Variants in RYR2 observed in about 807,000 individuals in gnomAD.
RYR2 encodes the protein ryanodine receptor 2.
RYR2 carries 227 observed loss-of-function variants against 601.1 expected under a neutral mutation model. The ratio of observed to expected loss-of-function variants is 0.38; its 90% CI spans 0.34 to 0.42. The LOEUF (loss-of-function observed/expected upper bound fraction) is 0.42. Ranked by LOEUF, RYR2 falls within the 10% of genes least tolerant of loss-of-function variation. The probability of loss-of-function intolerance (pLI) is 1.00; values close to 1 mark genes in which losing one functional copy is unlikely to be tolerated. For synonymous variants in RYR2, 2,223 were observed against 2,175.1 expected (o/e 1.02, Z -0.61); for missense variants, 4,646 against 6,156.5 (o/e 0.75, Z 8.21).
At chr1:237,100,440 G>T (rs894629675) in intron 1 of RYR2, among the ~76,000 whole-genome samples, 3 of 151,594 alleles carry the variant, frequency 2.0e-5, no homozygotes, top group Non-Finnish European at 4.4e-5. Flanking sequence ...AAGCTGGAGT[G>T]CAGTGGTGTG....
intron 2 of RYR2, among the ~76,000 whole-genome samples, chr1:237,287,801 C>T (rs1424364599): frequency 6.6e-6 from 1 of 152,122 alleles, no homozygotes; most frequent in Non-Finnish European, 1.5e-5. Context: ...CTCCTGAATT[C>T]GTTGTCAGGT....
intron 24 of RYR2, among the ~76,000 whole-genome samples, chr1:237,525,990 T>A (rs532977664): frequency 0.025 from 3,680 of 145,804 alleles, 143 homozygotes; most frequent in African/African-American, 0.085. Flanking sequence ...AAAAAAAAAA[T>A]AATAATAATA....
chr1:237,478,652 A>T (rs1468412883), intron 17 of RYR2, among the ~76,000 whole-genome samples: 8 of 148,196 alleles, frequency 5.4e-5, no homozygotes, highest in African/African-American at 1.6e-4. Context: ...TAAATATATT[A>T]ACTTACTTAA....
intron 25 of RYR2, among the ~76,000 whole-genome samples, chr1:237,541,174 A>G (rs1669220904): frequency 6.6e-6 from 1 of 152,188 alleles, no homozygotes; most frequent in Non-Finnish European, 1.5e-5. Context: ...TAGTGGGTAA[A>G]TTTCACAGAC....
intron 1 of RYR2, among the ~76,000 whole-genome samples, chr1:237,263,946 G>T (rs1280870334): frequency 6.6e-6 from 1 of 152,118 alleles, no homozygotes; most frequent in Non-Finnish European, 1.5e-5. Flanking sequence ...AAAAATAAGA[G>T]AAGGGACTCA....
intron 29 of RYR2, 100 bp from the exon 30 acceptor site, chr1:237,589,693 C>A: frequency 1.4e-5 from 15 of 1,085,688 alleles, no homozygotes; most frequent in Non-Finnish European, 1.9e-5. Context: ...AGGGTGACAG[C>A]TCTCACAAAG....
intron 29 of RYR2, among the ~76,000 whole-genome samples, chr1:237,581,456 A>C (rs1173902134): frequency 6.6e-6 from 1 of 152,180 alleles, no homozygotes; most frequent in Non-Finnish European, 1.5e-5. Flanking sequence ...AAATAGCTGT[A>C]TAGCTGTAGA....
chr1:237,583,464 G>T (rs1674157853), intron 29 of RYR2, among the ~76,000 whole-genome samples: 1 of 147,542 alleles, frequency 6.8e-6, no homozygotes, highest in African/African-American at 2.4e-5. Flanking sequence ...CATCTTAGTT[G>T]TTTCCTCATC....
chr1:237,538,429 G>T (rs2805449), intron 25 of RYR2, among the ~76,000 whole-genome samples: 97,955 of 105,254 alleles, frequency 0.93, 46,048 homozygotes, highest in East Asian at 0.99. Flanking sequence ...AAAAAAAAAG[G>T]GAAGATGGTA....
Position 237,649,903 on chromosome 1 carries a change from C to G in RYR2, c.7539C>G (p.Ala2513=), listed in dbSNP as rs745761104. Residue 2513 remains alanine (A), a synonymous_variant, in exon 50 of 105, where the codon GCC becomes GCG. Coordinates refer to ENST00000366574, the MANE Select transcript of RYR2 (RefSeq NM_001035.3). ...CAGCTTTGAGTGCTACAGACATGGC[C>G]TTGGCCCTCAATCGGTACCTTTGCA... is the stretch of plus-strand genomic sequence containing the variant. The part of the protein sequence containing the change: ...DTAALSATDM[A]LALNRYLCTA... 43 of 1,613,810 alleles carry G rather than the reference C, an allele frequency of 2.7e-5. 1 individual carries two copies. Among genetic ancestry groups the G allele is most frequent in the African/African-American group, 9.3e-5 (7 of 74,928 alleles).
chr1:237,371,999 C>T (rs529270217), intron 6 of RYR2, among the ~76,000 whole-genome samples: 133 of 152,118 alleles, frequency 8.7e-4, no homozygotes, highest in African/African-American at 3.2e-3. Flanking sequence ...CACATGTATA[C>T]GTATGTAACA....
At chr1:237,169,308 CTTT>C (rs869104559) in intron 1 of RYR2, among the ~76,000 whole-genome samples, 80 of 60,058 alleles carry the variant, frequency 1.3e-3, no homozygotes, top group African/African-American at 2.5e-3. Flanking sequence ...TCTTCTTCTT[CTTT>C]TTTTTTGAGA....
chr1:237,445,297 A>T, intron 13 of RYR2, 104 bp from the exon 14 acceptor site: 1 of 1,444,250 alleles, frequency 6.9e-7, no homozygotes, highest in East Asian at 2.3e-5. Context: ...CTGCCTTTTG[A>T]TTCTATCTGT....
chr1:237,570,723 G>A (rs1214520015), intron 29 of RYR2, among the ~76,000 whole-genome samples: 3 of 152,166 alleles, frequency 2.0e-5, no homozygotes, highest in Non-Finnish European at 4.4e-5. Flanking sequence ...GGTTAGGGAT[G>A]CCCCTGCTGG....
chr1:237,224,505 A>G (rs1298502033), intron 1 of RYR2, among the ~76,000 whole-genome samples: 1 of 152,196 alleles, frequency 6.6e-6, no homozygotes, highest in African/African-American at 2.4e-5. Context: ...GTAATAGCTA[A>G]CATTTATTTA....
intron 10 of RYR2, 150 bp downstream of exon 10, chr1:237,388,333 C>G: frequency 1.5e-6 from 1 of 674,906 alleles, no homozygotes; most frequent in Non-Finnish European, 2.5e-6. Flanking sequence ...CCATTTGTTG[C>G]CCCCTCTTAG....
intron 97 of RYR2, among the ~76,000 whole-genome samples, chr1:237,798,490 A>G (rs912741122): frequency 6.6e-6 from 1 of 152,154 alleles, no homozygotes; most frequent in Non-Finnish European, 1.5e-5. Flanking sequence ...AAAACTCAAT[A>G]TATGGCTGTT....
intron 95 of RYR2, among the ~76,000 whole-genome samples, chr1:237,794,754 C>T (rs72753216): frequency 0.046 from 6,966 of 152,256 alleles, 177 homozygotes; most frequent in Non-Finnish European, 0.059. Context: ...CATGTTTATC[C>T]TAAATGCTAA....
At chr1:237,395,507 G>A (rs1702744601) in intron 10 of RYR2, among the ~76,000 whole-genome samples, 1 of 146,734 alleles carries the variant, frequency 6.8e-6, no homozygotes, top group African/African-American at 2.5e-5. Flanking sequence ...AAACTTGATT[G>A]AGGACACGTC....
Sources: allele counts gnomAD v4.1 joint callset (sites outside exome capture counted in the v4.1 genomes callset), GRCh38; gene constraint gnomAD v4.1.1; transcripts MANE v1.5; gene names NCBI Gene and HGNC (gene_info 2026-07-23, HGNC 2026-07-21).